Variants in PNPLA7 observed in about 807,000 individuals in gnomAD.
PNPLA7 encodes patatin-like phospholipase domain-containing protein 7.
In PNPLA7, 153 loss-of-function variants were observed where a neutral mutation model predicts 161.7. The observed-to-expected ratio is 0.95, with a 90% CI of 0.83 to 1.08. The LOEUF is 1.08. Among genes scored for constraint, PNPLA7 ranks in the 50% least tolerant of loss-of-function variants. The pLI is 0.00. For missense variants in PNPLA7, 1,739 were observed against 1,856.6 expected (o/e 0.94, Z 1.16); for synonymous variants, 809 against 782.1 (o/e 1.03, Z -0.57).
At position 137,464,074 on chromosome 9, in the gene PNPLA7, C is replaced by A. The variant is rs1474229937; in HGVS notation, c.3226+52G>T. ...ACCCCTGGGGCTGCTGAGCTCTCCC[C>A]CTGCCCACACCTCGCACCCAAGCGG... On this transcript the variant is annotated intron_variant, in intron 28 of 34. Transcript: ENST00000406427. 5 of 1,583,472 alleles carry A rather than the reference C, an allele frequency of 3.2e-6. No homozygotes were observed. The African/African-American group carries it at 5.4e-5, about 17-fold the overall frequency.
At chr9:137,495,170 G>T in intron 18 of PNPLA7, 24 bp from the exon 19 acceptor site, 1 of 1,559,936 alleles carries the variant, frequency 6.4e-7, no homozygotes. Flanking sequence ...CCGGCTGCTG[G>T]GGCCGCGGGC....
chr9:137,516,428 C>T (rs1367899680), intron 11 of PNPLA7: 60 of 985,060 alleles, frequency 6.1e-5, no homozygotes, highest in Non-Finnish European at 7.1e-5. Flanking sequence ...CTGCCAAGAC[C>T]TCATCCAGGA....
At chr9:137,529,665 T>G (rs949926561) in intron 8 of PNPLA7, among the ~76,000 whole-genome samples, 8 of 150,834 alleles carry the variant, frequency 5.3e-5, no homozygotes, top group South Asian at 2.1e-4. Context: ...TGTTTTTTTT[T>G]TTTTTTTTTT....
At chr9:137,528,207 C>A (rs994934709) in intron 8 of PNPLA7, among the ~76,000 whole-genome samples, 2 of 152,140 alleles carry the variant, frequency 1.3e-5, no homozygotes, top group Non-Finnish European at 1.5e-5. Context: ...TGGTTTCATT[C>A]ATTTTCTCTC....
rs1204220815 is a variant in PNPLA7 at position 137,537,930 on chromosome 9, G to A, written c.747+2712C>T. 2.0e-5 allele frequency among the ~76,000 whole-genome samples: 3 copies of A among 152,200 alleles called. No homozygotes were observed. The highest frequency in any genetic ancestry group is 6.5e-5 in the Admixed American group (1 of 15,284). The stretch of plus-strand genomic sequence containing the variant: ...AAGGTAGGTCGCATACAGATGCCCC[G>A]TGCTGAACGGGTTTACGTCCACGTA... On this transcript the variant is annotated intron_variant, in intron 8 of 34. Transcript: ENST00000406427. The surrounding 1 kb of genome is among the most constrained non-coding windows in gnomAD (Gnocchi z 4.5).
Position 137,500,698 on chromosome 9 carries a change from A to G in PNPLA7, c.1750T>C (p.Phe584Leu), listed in dbSNP as rs747976317. The G allele has an allele frequency of 4.3e-6, 7 of 1,612,190 alleles. No homozygotes were observed. Among genetic ancestry groups the G allele is most frequent in the Admixed American group, 3.3e-5 (2 of 60,000 alleles). Residue 584 changes from phenylalanine (F) to leucine (L), a missense_variant, in exon 16 of 35, where the codon TTC (phenylalanine) becomes CTC (leucine). Physicochemically the swap from Phe to Leu is conservative, Grantham distance 22 (BLOSUM62 0). Transcript: ENST00000406427. The surrounding 1 kb of genome is among the most constrained non-coding windows in gnomAD (Gnocchi z 5.5). ...CTGGCCCGTGGGACTCACTCATAGA[A>G]GTGGGCCTTGGAGATGGACAGGAAG... is the stretch of plus-strand genomic sequence containing the variant. ...CSFLSISKAH[F>L]YEIMRKQPTV...
intron 21 of PNPLA7, among the ~76,000 whole-genome samples, chr9:137,481,745 AGG>A (rs1832230494): frequency 6.6e-6 from 1 of 152,170 alleles, no homozygotes; most frequent in Non-Finnish European, 1.5e-5. Context: ...TCACGAGGTC[AGG>A]AGATCCGGTG....
chr9:137,490,882 C>G lies in PNPLA7; in HGVS notation c.2197+2131G>C, dbSNP rs1832730356. 6.6e-6 allele frequency among the ~76,000 whole-genome samples: 1 copy of G among 152,136 alleles called. No individual in the cohort carries two copies. Among genetic ancestry groups the G allele is most frequent in the Non-Finnish European group, 1.5e-5 (1 of 68,030 alleles). ...ATTACAGAGGTAATAGTTAAGACAA[C>G]CACATCATAAAGGGGGAAGGATGAA... is the stretch of plus-strand genomic sequence containing the variant. On this transcript the variant is annotated intron_variant, in intron 20 of 34. Coordinates refer to ENST00000406427, the MANE Select transcript of PNPLA7 (RefSeq NM_001098537.3). The surrounding 1 kb of genome is among the most constrained non-coding windows in gnomAD (Gnocchi z 4.1).
Position 137,520,448 on chromosome 9 carries a change from A to G in PNPLA7, c.958-405T>C, listed in dbSNP as rs142946663. Among the ~76,000 whole-genome samples, 4 of 152,366 alleles carry G rather than the reference A, an allele frequency of 2.6e-5. No individual in the cohort carries two copies. The highest frequency in any genetic ancestry group is 3.8e-4 in the East Asian group (2 of 5,196). The stretch of plus-strand genomic sequence containing the variant: ...TTAATACTCTTCATTAAAACAAAAG[A>G]TAATGTAGAAAACAAAAAGATATTC... On this transcript the variant is annotated intron_variant, in intron 10 of 34. Transcript: ENST00000406427. The surrounding 1 kb of genome is among the most constrained non-coding windows in gnomAD (Gnocchi z 5.2).
chr9:137,484,766 G>A (rs1401855194), intron 20 of PNPLA7, 30 bp from the exon 21 acceptor site: 4 of 1,575,510 alleles, frequency 2.5e-6, no homozygotes, highest in Non-Finnish European at 1.7e-6. Context: ...CGTCAGCTGG[G>A]ACAGCCCACA....
chr9:137,524,369 G>C lies in PNPLA7; in HGVS notation c.748-1512C>G, dbSNP rs993790899. 1.3e-5 allele frequency among the ~76,000 whole-genome samples: 2 copies of C among 151,300 alleles called. No homozygotes were observed. Among genetic ancestry groups the C allele is most frequent in the African/African-American group, 2.4e-5 (1 of 41,118 alleles). On this transcript the variant is annotated intron_variant, in intron 8 of 34. Transcript: ENST00000406427. The surrounding 1 kb of genome is among the most constrained non-coding windows in gnomAD (Gnocchi z 4.4). Reference sequence around the variant, plus strand: ...TTCCCCCACGGTGGCGCGTCTGCCAGAGGCCTGTGCCTTGGCTCCTGAGTG... The same window carrying C: ...TTCCCCCACGGTGGCGCGTCTGCCACAGGCCTGTGCCTTGGCTCCTGAGTG...
intron 12 of PNPLA7, 34 bp from the exon 13 acceptor site, chr9:137,506,117 G>A (rs372813237): frequency 2.1e-5 from 33 of 1,569,404 alleles, no homozygotes; most frequent in Admixed American, 7.0e-5. Context: ...GACACGGTTC[G>A]CTAGGCCACT....
chr9:137,498,099 C>T lies in PNPLA7; in HGVS notation c.1889+15G>A, dbSNP rs762872316. The T allele has an allele frequency of 5.0e-6, 8 of 1,611,050 alleles. No individual in the cohort carries two copies. The highest frequency in any genetic ancestry group is 6.8e-6 in the Non-Finnish European group (8 of 1,178,674). ...GGCAGCATGGATGCGGAGTGTGTGG[C>T]ACCCACGGCCTCACCTGTATATTGC... On this transcript the variant is annotated intron_variant, in intron 17 of 34. Transcript: ENST00000406427.
intron 12 of PNPLA7, among the ~76,000 whole-genome samples, chr9:137,510,111 G>A (rs1302491267): frequency 6.6e-6 from 1 of 152,240 alleles, no homozygotes; most frequent in South Asian, 2.1e-4. Context: ...CTGGGAAGAC[G>A]CCCGTTACCA....
In PNPLA7 at chr9:137,543,381, C is replaced by G; in HGVS notation, c.506+51G>C. On this transcript the variant is annotated intron_variant, in intron 6 of 34. Transcript: ENST00000406427. The surrounding 1 kb of genome is among the most constrained non-coding windows in gnomAD (Gnocchi z 6.9). ...GCTGGAGCCAGGCCCCAGCGAGAAGCCCGGGGCTATGGGAGCTGCCGCAGC... is the reference window on the plus strand; with the variant it reads ...GCTGGAGCCAGGCCCCAGCGAGAAGGCCGGGGCTATGGGAGCTGCCGCAGC... The G allele has an allele frequency of 1.9e-6, 3 of 1,611,494 alleles. No individual in the cohort carries two copies. The highest frequency in any genetic ancestry group is 2.5e-6 in the Non-Finnish European group (3 of 1,178,846).
At position 137,547,015 on chromosome 9, in the gene PNPLA7, T is replaced by C. The variant is rs1836567548; in HGVS notation, c.194-106A>G. ...TCATACTCTCGTCCCTGCCAGTAACTGGCCATACTCAGACAGCATGAGGGA... is the reference window on the plus strand; with the variant it reads ...TCATACTCTCGTCCCTGCCAGTAACCGGCCATACTCAGACAGCATGAGGGA... On this transcript the variant is annotated intron_variant, in intron 3 of 34. Transcript: ENST00000406427. The surrounding 1 kb of genome is among the most constrained non-coding windows in gnomAD (Gnocchi z 4.6). 6 of 1,089,672 alleles carry C rather than the reference T, an allele frequency of 5.5e-6. No homozygotes were observed. Among genetic ancestry groups the C allele is most frequent in the African/African-American group, 1.5e-5 (1 of 64,688 alleles). The allele number at this position is 1,089,672 out of a possible 1,614,324, so 67.5% of individuals were successfully genotyped here.
rs192250989 is a variant in PNPLA7, at chr9:137,496,579, C to T, written c.2013+608G>A. 2.7e-3 allele frequency among the ~76,000 whole-genome samples: 411 copies of T among 152,144 alleles called. 1 individual carries two copies. Among genetic ancestry groups the T allele is most frequent in the African/African-American group, 9.4e-3 (391 of 41,546 alleles). The stretch of plus-strand genomic sequence containing the variant: ...ATACAAAATTAGCCGGGCGTGGTGG[C>T]GCACACCTTTAATCCCAGCTACTCC... On this transcript the variant is annotated intron_variant, in intron 18 of 34. Coordinates refer to ENST00000406427, the MANE Select transcript of PNPLA7 (RefSeq NM_001098537.3).
In PNPLA7 at chr9:137,515,363, C is replaced by T. The variant is rs745862376; in HGVS notation, c.1225+16G>A. ...CTGTGGGTCACACTGGCTGGGCAGC[C>T]GTCGAGGTTCTTTACCTTGTGGGGC... On this transcript the variant is annotated intron_variant, in intron 12 of 34. Transcript: ENST00000406427. 1.1e-5 allele frequency: 17 copies of T among 1,594,384 alleles called. No individual in the cohort carries two copies. The highest frequency in any genetic ancestry group is 5.4e-5 in the African/African-American group (4 of 74,564).
In PNPLA7 at chr9:137,520,692, A is replaced by T. The variant is rs888853397; in HGVS notation, c.958-649T>A. 3.3e-5 allele frequency among the ~76,000 whole-genome samples: 5 copies of T among 152,240 alleles called. No homozygotes were observed. Among genetic ancestry groups the T allele is most frequent in the African/African-American group, 1.2e-4 (5 of 41,470 alleles). Reference sequence around the variant, plus strand: ...ACCCTGGTCTCACTCAGTTCCCACGAGAGCTCGGCTAGGTGGGGACCGTCC... The same window carrying T: ...ACCCTGGTCTCACTCAGTTCCCACGTGAGCTCGGCTAGGTGGGGACCGTCC... On this transcript the variant is annotated intron_variant, in intron 10 of 34. Transcript: ENST00000406427. This position sits in a 1 kb window ranked among gnomAD's most constrained non-coding sequence, Gnocchi z 5.2.
Sources: allele counts gnomAD v4.1 joint callset (sites outside exome capture counted in the v4.1 genomes callset), GRCh38; gene constraint gnomAD v4.1.1; non-coding constraint Gnocchi (gnomAD v3.1); transcripts MANE v1.5; gene names NCBI Gene and HGNC (gene_info 2026-07-23, HGNC 2026-07-21).